The following GRM7 variants were observed in gnomAD, a reference collection of about 807,000 sequenced individuals.
GRM7 encodes the protein glutamate metabotropic receptor 7, also known as metabotropic glutamate receptor 7.
GRM7 carries 35 observed loss-of-function variants against 84.5 expected under a neutral mutation model. That is an observed-to-expected ratio of 0.41 (90% CI 0.32 to 0.55). GRM7 has a LOEUF of 0.55. GRM7 is among the 20% of genes least tolerant of loss of function. The probability of loss-of-function intolerance (pLI) is 0.19; values close to 1 mark genes in which losing one functional copy is unlikely to be tolerated. For missense variants in GRM7, 1,003 were observed against 1,194.6 expected, an observed-to-expected ratio of 0.84 and a Z score of 2.36; for synonymous variants, 487 against 455.1, an observed-to-expected ratio of 1.07 and a Z score of -0.89.
chr3:7,643,932 T>G (rs952040363), intron 8 of GRM7, among the ~76,000 whole-genome samples: 13 of 151,896 alleles, frequency 8.6e-5, no homozygotes, highest in African/African-American at 3.1e-4. Flanking sequence ...GCTGGGCCAT[T>G]CCATGGTCTT....
chr3:7,614,817 C>T (rs1046497451), intron 8 of GRM7, among the ~76,000 whole-genome samples: 2 of 152,090 alleles, frequency 1.3e-5, no homozygotes, highest in African/African-American at 4.8e-5. Flanking sequence ...AACCCCCTTC[C>T]TTATTTTTAT....
At chr3:7,503,265 C>T (rs1351778931) in intron 7 of GRM7, among the ~76,000 whole-genome samples, 1 of 152,094 alleles carries the variant, frequency 6.6e-6, no homozygotes, top group Non-Finnish European at 1.5e-5. Flanking sequence ...TGTTTCTCCT[C>T]TTTGTTTTCC....
intron 4 of GRM7, among the ~76,000 whole-genome samples, chr3:7,385,892 A>G (rs1575257244): frequency 1.3e-5 from 2 of 152,238 alleles, no homozygotes; most frequent in Admixed American, 1.3e-4. Context: ...AGCAATGACA[A>G]TGAATGAATT....
At chr3:7,426,022 A>G (rs978170328) in intron 5 of GRM7, among the ~76,000 whole-genome samples, 2 of 152,206 alleles carry the variant, frequency 1.3e-5, no homozygotes, top group African/African-American at 4.8e-5. Flanking sequence ...CACTAAAAGT[A>G]TAGATTGGTG....
At chr3:7,702,520 A>C (rs546056648) in intron 9 of GRM7, among the ~76,000 whole-genome samples, 1 of 152,346 alleles carries the variant, frequency 6.6e-6, no homozygotes, top group East Asian at 1.9e-4. Flanking sequence ...AACTACACTA[A>C]AATTTAAATA....
chr3:6,927,990 G>A (rs982898866), intron 1 of GRM7, among the ~76,000 whole-genome samples: 13 of 152,070 alleles, frequency 8.5e-5, no homozygotes, highest in African/African-American at 2.9e-4. Flanking sequence ...TAATCACTAG[G>A]TCGCAAATCC....
At chr3:7,266,087 G>A (rs1698626450) in intron 2 of GRM7, among the ~76,000 whole-genome samples, 1 of 151,976 alleles carries the variant, frequency 6.6e-6, no homozygotes, top group Non-Finnish European at 1.5e-5. Context: ...TGGGTTAAAG[G>A]AACAGAAGAG....
chr3:6,954,173 C>T (rs906440467), intron 1 of GRM7, among the ~76,000 whole-genome samples: 2 of 152,088 alleles, frequency 1.3e-5, no homozygotes, highest in Admixed American at 6.5e-5. Context: ...ATGATCAAGT[C>T]AGGATATTCA....
intron 7 of GRM7, among the ~76,000 whole-genome samples, chr3:7,504,349 C>T (rs905100269): frequency 2.0e-5 from 3 of 152,200 alleles, no homozygotes; most frequent in African/African-American, 7.2e-5. Flanking sequence ...GTTCTCCAAT[C>T]AGCTGCCTCC....
chr3:7,581,689 A>T lies in GRM7; in HGVS notation c.2451+2332A>T, dbSNP rs531724079. On this transcript the variant is annotated intron_variant, in intron 8 of 9. Coordinates refer to ENST00000357716, the MANE Select transcript of GRM7 (RefSeq NM_000844.4). The stretch of plus-strand genomic sequence containing the variant: ...TCTAACAAACAGTTTAAGTGTTTTA[A>T]ATCAAAGAATTATATTATAACAGGA... Among the ~76,000 whole-genome samples, 7 of 152,320 alleles carry T rather than the reference A, an allele frequency of 4.6e-5. No individual in the cohort carries two copies. The East Asian group carries it at 1.4e-3, about 29-fold the overall frequency.
At chr3:7,606,676 G>T (rs1459081551) in intron 8 of GRM7, among the ~76,000 whole-genome samples, 1 of 152,062 alleles carries the variant, frequency 6.6e-6, no homozygotes, top group Non-Finnish European at 1.5e-5. Flanking sequence ...TGGGATCACA[G>T]GCGTGCACAA....
chr3:7,482,888 A>G (rs1699185122), intron 7 of GRM7, among the ~76,000 whole-genome samples: 2 of 152,196 alleles, frequency 1.3e-5, no homozygotes, highest in African/African-American at 4.8e-5. Context: ...TTTTAAAATA[A>G]GTGACATTAA....
chr3:7,671,718 T>C (rs1338218657), intron 8 of GRM7, among the ~76,000 whole-genome samples: 1 of 151,748 alleles, frequency 6.6e-6, no homozygotes, highest in East Asian at 1.9e-4. Flanking sequence ...GAGATCTAAG[T>C]AGAATAGCAT....
chr3:7,490,254 A>G (rs1297412694), intron 7 of GRM7, among the ~76,000 whole-genome samples: 4 of 152,128 alleles, frequency 2.6e-5, no homozygotes, highest in African/African-American at 9.7e-5. Flanking sequence ...TAACATAGCC[A>G]TCTGGCACTT....
intron 7 of GRM7, among the ~76,000 whole-genome samples, chr3:7,535,767 C>T (rs767635050): frequency 6.6e-6 from 1 of 152,136 alleles, no homozygotes; most frequent in Admixed American, 6.5e-5. Context: ...ATAAAGATAC[C>T]GTGTAAGTTA....
intron 1 of GRM7, among the ~76,000 whole-genome samples, chr3:6,996,954 G>A (rs1414576212): frequency 1.3e-5 from 2 of 152,116 alleles, no homozygotes; most frequent in African/African-American, 4.8e-5. Flanking sequence ...ACAAACATAC[G>A]GAATCCAGAT....
At chr3:6,959,525 G>T (rs1693210565) in intron 1 of GRM7, among the ~76,000 whole-genome samples, 1 of 152,004 alleles carries the variant, frequency 6.6e-6, no homozygotes, top group Non-Finnish European at 1.5e-5. Flanking sequence ...GCTCTGTGAG[G>T]CTATGAAAAG....
rs549007027 is a variant in GRM7 at position 7,405,343 on chromosome 3, T to C, written c.1034-9680T>C. ...TGAGTATTATGATTGATTATTATTT[T>C]ATTTATTTTTATAATTGACACATAA... On this transcript the variant is annotated intron_variant, in intron 4 of 9. Transcript: ENST00000357716. Among the ~76,000 whole-genome samples the C allele has an allele frequency of 2.0e-5, 3 of 152,306 alleles. No individual in the cohort carries two copies. In the South Asian group the frequency reaches 6.2e-4, roughly 32 times the overall value.
intron 1 of GRM7, among the ~76,000 whole-genome samples, chr3:7,032,392 G>A (rs556658498): frequency 3.7e-4 from 57 of 152,342 alleles, no homozygotes; most frequent in Admixed American, 1.4e-3. Context: ...ATAAGGTTAT[G>A]TGAGCATTAA....
Sources: allele counts gnomAD v4.1 joint callset (sites outside exome capture counted in the v4.1 genomes callset), GRCh38; gene constraint gnomAD v4.1.1; transcripts MANE v1.5; gene names NCBI Gene and HGNC (gene_info 2026-07-23, HGNC 2026-07-21).